ENTHD1: variants seen among roughly 807,000 people sequenced by gnomAD.
ENTHD1 encodes ENTH domain containing 1.
Under a neutral mutation model 39.1 loss-of-function variants are expected in ENTHD1, and 23 were observed. That is an observed-to-expected ratio of 0.59 (90% confidence interval 0.42 to 0.83). The LOEUF (loss-of-function observed/expected upper bound fraction) is 0.83. ENTHD1 is among the 40% of genes least tolerant of loss of function. The pLI is 0.00. For synonymous variants in ENTHD1, 230 were observed against 258.2 expected (o/e 0.89, Z 1.05); for missense variants, 624 against 705.4 (o/e 0.88, Z 1.31).
At chr22:39,875,518 T>G in intron 2 of ENTHD1, 1 of 1,603,874 alleles carries the variant, frequency 6.2e-7, no homozygotes, top group Non-Finnish European at 8.5e-7. Context: ...CTGCTTCTGT[T>G]TGTTATTCCC....
chr22:39,786,975 A>T (rs745415204), intron 5 of ENTHD1, among the ~76,000 whole-genome samples: 6 of 152,240 alleles, frequency 3.9e-5, no homozygotes, highest in Non-Finnish European at 7.3e-5. Context: ...TCAAAAAACA[A>T]AATTGAAGGT....
chr22:39,753,728 C>T (rs773515227), intron 6 of ENTHD1, among the ~76,000 whole-genome samples: 16 of 152,180 alleles, frequency 1.1e-4, no homozygotes, highest in Non-Finnish European at 1.9e-4. Context: ...CTCACTGTTT[C>T]TTGAATTCCT....
chr22:39,790,361 A>T (rs569541243), intron 5 of ENTHD1, among the ~76,000 whole-genome samples: 2 of 152,172 alleles, frequency 1.3e-5, no homozygotes, highest in East Asian at 3.8e-4. Flanking sequence ...AGGTGATCTG[A>T]TTCTGGACAT....
intron 2 of ENTHD1, among the ~76,000 whole-genome samples, chr22:39,882,279 TACTA>T (rs2066344351): frequency 6.6e-6 from 1 of 152,176 alleles, no homozygotes; most frequent in African/African-American, 2.4e-5. Flanking sequence ...ATGAATAAAG[TACTA>T]CAGCAATTAA....
Position 39,796,895 on chromosome 22 carries a change from G to A in ENTHD1, c.832+24098C>T, listed in dbSNP as rs576544798. On this transcript the variant is annotated intron_variant, in intron 5 of 6. Coordinates refer to ENST00000325157, the MANE Select transcript of ENTHD1 (RefSeq NM_152512.4). ...GGCTGTTAGGTCCATTTAGTCTAAA[G>A]TGTAGTTAAAATACAACGTTTCTTT... Among the ~76,000 whole-genome samples, 5 of 152,294 alleles carry A rather than the reference G, an allele frequency of 3.3e-5. 1 individual carries two copies. Among genetic ancestry groups the A allele is most frequent in the African/African-American group, 9.6e-5 (4 of 41,556 alleles).
chr22:39,858,257 T>C (rs928242694), intron 3 of ENTHD1, among the ~76,000 whole-genome samples: 3 of 152,230 alleles, frequency 2.0e-5, no homozygotes, highest in African/African-American at 7.2e-5. Context: ...TCTTTGCTCA[T>C]CCATAAGAAG....
At chr22:39,800,526 T>TAG (rs1014520267) in intron 5 of ENTHD1, among the ~76,000 whole-genome samples, 7 of 152,228 alleles carry the variant, frequency 4.6e-5, no homozygotes, top group Non-Finnish European at 1.0e-4. Context: ...GCCTGGGACC[T>TAG]AGAGTCAGTT....
chr22:39,815,524 G>A lies in ENTHD1; in HGVS notation c.832+5469C>T, dbSNP rs2065726799. 2.6e-5 allele frequency among the ~76,000 whole-genome samples: 4 copies of A among 152,070 alleles called. No individual in the cohort carries two copies. In the South Asian group the frequency reaches 8.3e-4, roughly 32 times the overall value. On this transcript the variant is annotated intron_variant, in intron 5 of 6. Coordinates refer to ENST00000325157, the MANE Select transcript of ENTHD1 (RefSeq NM_152512.4). Reference sequence around the variant, plus strand: ...CTGGATTTTTCTAGGGGAAAAATTGGTGAGGACATGCAGCAACTGCAACTA... The same window carrying A: ...CTGGATTTTTCTAGGGGAAAAATTGATGAGGACATGCAGCAACTGCAACTA...
chr22:39,867,247 T>C lies in ENTHD1; in HGVS notation c.350-5240A>G, dbSNP rs959669690. Among the ~76,000 whole-genome samples the C allele has an allele frequency of 1.3e-5, 2 of 152,014 alleles. No homozygotes were observed. The highest frequency in any genetic ancestry group is 2.4e-5 in the African/African-American group (1 of 41,378). ...TACAGCTGACCATCGTGTAAAGAGA[T>C]TGCAAATATGGTAAATTCAAAGATC... On this transcript the variant is annotated intron_variant, in intron 2 of 6. Coordinates refer to ENST00000325157, the MANE Select transcript of ENTHD1 (RefSeq NM_152512.4). This position sits in a 1 kb window ranked among gnomAD's most constrained non-coding sequence, Gnocchi z 4.5.
chr22:39,785,151 A>T (rs1022842401), intron 5 of ENTHD1, among the ~76,000 whole-genome samples: 3 of 152,158 alleles, frequency 2.0e-5, no homozygotes, highest in Non-Finnish European at 4.4e-5. Context: ...AGAAATGATT[A>T]AAAAATACAG....
intron 5 of ENTHD1, among the ~76,000 whole-genome samples, chr22:39,819,297 G>A (rs1464861635): frequency 1.3e-5 from 2 of 151,882 alleles, no homozygotes; most frequent in Admixed American, 6.6e-5. Context: ...CCCGGGAGGT[G>A]GAAGGTGCGG....
At chr22:39,852,041 T>A (rs9623079) in intron 3 of ENTHD1, among the ~76,000 whole-genome samples, 6 of 152,106 alleles carry the variant, frequency 3.9e-5, no homozygotes, top group East Asian at 1.9e-4. Context: ...ATAGATTTTT[T>A]AAAAATGCTG....
At chr22:39,884,342 C>T (rs571378156) in intron 2 of ENTHD1, among the ~76,000 whole-genome samples, 5 of 152,146 alleles carry the variant, frequency 3.3e-5, no homozygotes, top group African/African-American at 9.6e-5. Context: ...CCATACCTGG[C>T]TAATTTTTGG....
At chr22:39,754,747 C>T (rs1177123256) in intron 6 of ENTHD1, among the ~76,000 whole-genome samples, 1 of 152,212 alleles carries the variant, frequency 6.6e-6, no homozygotes, top group Non-Finnish European at 1.5e-5. Context: ...CTACCTCACC[C>T]TCTGTTGTCT....
intron 5 of ENTHD1, among the ~76,000 whole-genome samples, chr22:39,805,262 C>T (rs985783995): frequency 6.6e-6 from 1 of 152,214 alleles, no homozygotes; most frequent in African/African-American, 2.4e-5. Context: ...AGAATTCCCT[C>T]AACCCTCTTC....
At chr22:39,892,223 T>A (rs2066432611) in intron 1 of ENTHD1, among the ~76,000 whole-genome samples, 1 of 152,134 alleles carries the variant, frequency 6.6e-6, no homozygotes, top group African/African-American at 2.4e-5. Flanking sequence ...GTAGAAAAGG[T>A]CTTTTAGTGT....
At chr22:39,808,082 T>C (rs2039839769) in intron 5 of ENTHD1, among the ~76,000 whole-genome samples, 1 of 152,144 alleles carries the variant, frequency 6.6e-6, no homozygotes, top group East Asian at 1.9e-4. Flanking sequence ...AAAAATCTCT[T>C]TGTGGACTTT....
chr22:39,884,990 G>A (rs2066368511), intron 2 of ENTHD1, among the ~76,000 whole-genome samples: 1 of 151,990 alleles, frequency 6.6e-6, no homozygotes, highest in Admixed American at 6.5e-5. Context: ...GTAACCAAGG[G>A]GAAAAATAGA....
intron 2 of ENTHD1, among the ~76,000 whole-genome samples, chr22:39,865,697 ATAAAAAGGT>A (rs1409717277): frequency 6.6e-6 from 1 of 152,222 alleles, no homozygotes; most frequent in Non-Finnish European, 1.5e-5. Context: ...ACACATCAAG[ATAAAAAGGT>A]TGTTAGATGA....
Sources: gnomAD v4.1 joint callset for allele counts (sites outside exome capture counted in the v4.1 genomes callset) on GRCh38, gnomAD v4.1.1 for gene constraint, Gnocchi (gnomAD v3.1) non-coding constraint, MANE v1.5 for transcripts, NCBI Gene and HGNC (gene_info 2026-07-23, HGNC 2026-07-21) for gene names.